KLRD1: variants seen among roughly 807,000 people sequenced by gnomAD.
KLRD1 encodes the protein killer cell lectin like receptor D1, also known as natural killer cells antigen CD94.
In KLRD1, 21 loss-of-function variants were observed where a neutral mutation model predicts 22.6. That is an observed-to-expected ratio of 0.93 (90% CI 0.66 to 1.34). The LOEUF is 1.34. KLRD1 is among the 40% of genes most tolerant of loss of function. The pLI, the probability that KLRD1 is intolerant of heterozygous loss-of-function variation, is 0.00. For missense variants in KLRD1, 183 were observed against 208.6 expected (o/e 0.88, Z 0.76); for synonymous variants, 59 against 71.1 (o/e 0.83, Z 0.85).
At chr12:10,287,866 G>A (rs1036825364) in intron 1 of KLRD1, among the ~76,000 whole-genome samples, 2 of 151,950 alleles carry the variant, frequency 1.3e-5, no homozygotes, top group African/African-American at 2.4e-5. Flanking sequence ...TCAGGAGATC[G>A]AGACCATTCT....
At chr12:10,297,485 C>A (rs868615647) in intron 1 of KLRD1, among the ~76,000 whole-genome samples, 46 of 151,904 alleles carry the variant, frequency 3.0e-4, no homozygotes, top group African/African-American at 1.1e-3. Context: ...TCTGTCTTTA[C>A]CTAAGAATAT....
At chr12:10,263,561 G>T (rs1454786298) in intron 1 of KLRD1, among the ~76,000 whole-genome samples, 1 of 152,036 alleles carries the variant, frequency 6.6e-6, no homozygotes, top group Non-Finnish European at 1.5e-5. Context: ...GACTTGACAT[G>T]AATTGTAGAA....
chr12:10,250,703 A>G (rs1949338909), intron 1 of KLRD1, among the ~76,000 whole-genome samples: 1 of 152,090 alleles, frequency 6.6e-6, no homozygotes, highest in South Asian at 2.1e-4. Context: ...TTTTAAACAC[A>G]TTTTAAAATT....
chr12:10,266,641 ATC>A (rs1949501644), intron 1 of KLRD1, among the ~76,000 whole-genome samples: 1 of 151,842 alleles, frequency 6.6e-6, no homozygotes, highest in African/African-American at 2.4e-5. Context: ...ATTATTAGAT[ATC>A]TGTCATTTTG....
intron 1 of KLRD1, among the ~76,000 whole-genome samples, chr12:10,246,938 T>C (rs1363820607): frequency 5.1e-5 from 7 of 137,822 alleles, no homozygotes; most frequent in African/African-American, 1.3e-4. Context: ...CTTTTCTTTT[T>C]TTTTTTTTTT....
At position 10,327,634 on chromosome 12, in the gene KLRD1, CT is replaced by C. The variant is rs1448237625; in HGVS notation, c.*12843del. 1 of 152,084 alleles carries C rather than the reference CT, an allele frequency of 6.6e-6. No individual in the cohort carries two copies. 9.4% of individuals were successfully genotyped at this position (152,084 alleles called of 1,614,324 possible). A position where few individuals can be genotyped will look rare whatever the true frequency, so the allele number is the denominator to read the frequency against. On this transcript the variant is annotated 3_prime_UTR_variant, in exon 6 of 6. Coordinates refer to ENST00000336164, the MANE Select transcript of KLRD1 (RefSeq NM_002262.5). The stretch of plus-strand genomic sequence containing the variant: ...CCATAGGCAAACAGGGACCATTGTA[CT>C]TCTTCTTTTACAATCTGTATGTTGT...
intron 3 of KLRD1, among the ~76,000 whole-genome samples, chr12:10,310,968 C>G (rs1950053333): frequency 6.6e-6 from 1 of 152,084 alleles, no homozygotes; most frequent in Non-Finnish European, 1.5e-5. Flanking sequence ...ATTCCCTTTT[C>G]AAAAATAAGA....
At chr12:10,305,896 C>T (rs1410449858), upstream of KLRD1, among the ~76,000 whole-genome samples, 1 of 152,134 alleles carries the variant, frequency 6.6e-6, no homozygotes, top group Non-Finnish European at 1.5e-5. Flanking sequence ...GGCACGGTGG[C>T]TCACGCCTGT....
At chr12:10,289,751 A>G (rs1002780643) in intron 1 of KLRD1, among the ~76,000 whole-genome samples, 1 of 152,164 alleles carries the variant, frequency 6.6e-6, no homozygotes, top group African/African-American at 2.4e-5. Context: ...TGTGTAATGT[A>G]TCTGGTCCAT....
intron 1 of KLRD1, among the ~76,000 whole-genome samples, chr12:10,257,038 G>T (rs1318972359): frequency 6.6e-6 from 1 of 151,258 alleles, no homozygotes. Context: ...CTGCCTTGTG[G>T]CCTCCAAAGC....
intron 1 of KLRD1, among the ~76,000 whole-genome samples, chr12:10,268,488 A>G (rs1024076445): frequency 6.6e-6 from 1 of 152,218 alleles, no homozygotes; most frequent in African/African-American, 2.4e-5. Context: ...TCTTGCTGGT[A>G]TATAAGAAAG....
chr12:10,295,360 G>C (rs1949812168), intron 1 of KLRD1, among the ~76,000 whole-genome samples: 1 of 151,944 alleles, frequency 6.6e-6, no homozygotes, highest in African/African-American at 2.4e-5. Context: ...TTCCAGAGTG[G>C]ATTGGGAACA....
At chr12:10,294,031 T>A (rs541860165) in intron 1 of KLRD1, among the ~76,000 whole-genome samples, 1 of 152,354 alleles carries the variant, frequency 6.6e-6, no homozygotes, top group African/African-American at 2.4e-5. Flanking sequence ...CTGCCTCTCC[T>A]ACTTAATAAA....
chr12:10,242,214 A>T (rs1172427065), intron 1 of KLRD1, among the ~76,000 whole-genome samples: 3 of 151,218 alleles, frequency 2.0e-5, no homozygotes, highest in Non-Finnish European at 2.9e-5. Context: ...TGAAGTGTTG[A>T]CCATGATATT....
At chr12:10,259,550 T>C (rs1949429427) in intron 1 of KLRD1, among the ~76,000 whole-genome samples, 2 of 152,228 alleles carry the variant, frequency 1.3e-5, no homozygotes, top group South Asian at 4.1e-4. Context: ...ATTAAAGTAG[T>C]GGACATTATT....
At position 10,324,879 on chromosome 12, in the gene KLRD1, T is replaced by C. The variant is rs1950347361; in HGVS notation, c.*10086T>C. On this transcript the variant is annotated 3_prime_UTR_variant, in exon 6 of 6. Transcript: ENST00000336164. ...AGTTGATTCTAAGTGTATCTTTTAT[T>C]GTTTAACCTGCCTAAATTCACTTAT... 1 of 144,970 alleles carries C rather than the reference T, an allele frequency of 6.9e-6. No individual in the cohort carries two copies. The highest frequency in any genetic ancestry group is 7.1e-5 in the Admixed American group (1 of 14,134). The allele number at this position is 144,970 out of a possible 1,614,324, so 9.0% of individuals were successfully genotyped here.
chr12:10,307,553 C>T (rs1296946740), upstream of KLRD1, among the ~76,000 whole-genome samples: 1 of 151,998 alleles, frequency 6.6e-6, no homozygotes, highest in Non-Finnish European at 1.5e-5. Context: ...TAAGATATGC[C>T]AAGTGCTTTA....
At chr12:10,305,536 A>G (rs1949908933), upstream of KLRD1, among the ~76,000 whole-genome samples, 1 of 152,186 alleles carries the variant, frequency 6.6e-6, no homozygotes, top group South Asian at 2.1e-4. Context: ...AATTCTGGGA[A>G]CTGGGCAAAA....
chr12:10,243,335 C>G (rs1303054097), intron 1 of KLRD1, among the ~76,000 whole-genome samples: 1 of 151,832 alleles, frequency 6.6e-6, no homozygotes, highest in Non-Finnish European at 1.5e-5. Context: ...AACAGAAGGC[C>G]AGGTGCAGTG....
Sources: gnomAD v4.1 joint callset for allele counts (sites outside exome capture counted in the v4.1 genomes callset) on GRCh38, gnomAD v4.1.1 for gene constraint, MANE v1.5 for transcripts, NCBI Gene and HGNC (gene_info 2026-07-23, HGNC 2026-07-21) for gene names.